B4GALNT3: variants seen among roughly 807,000 people sequenced by gnomAD.
B4GALNT3 encodes beta-1,4-N-acetyl-galactosaminyltransferase 3, also known as beta-1,4-N-acetylgalactosaminyltransferase 3.
A neutral mutation model predicts 120.2 loss-of-function variants in B4GALNT3; 86 were observed. That is an observed-to-expected ratio of 0.72 (90% CI 0.60 to 0.86). The LOEUF (loss-of-function observed/expected upper bound fraction) is 0.86, where lower values mean the gene tolerates loss of function less well. Among genes scored for constraint, B4GALNT3 ranks in the 40% least tolerant of loss-of-function variants. The pLI is 0.00. For synonymous variants in B4GALNT3, 518 were observed against 510.4 expected (o/e 1.01, Z -0.20); for missense variants, 1,167 against 1,298.9 (o/e 0.90, Z 1.56).
rs183332252 is a variant in B4GALNT3 at position 540,806 on chromosome 12, G to A, written c.352-3533G>A. Among the ~76,000 whole-genome samples the A allele has an allele frequency of 5.3e-5, 8 of 151,854 alleles. No individual in the cohort carries two copies. In the South Asian group the frequency reaches 1.0e-3, roughly 20 times the overall value. On this transcript the variant is annotated intron_variant, in intron 3 of 19. Coordinates refer to ENST00000266383, the MANE Select transcript of B4GALNT3 (RefSeq NM_173593.4). Reference sequence around the variant, plus strand: ...TCGCCCAGGATGGAGTGCAGTGGTCGGATCTCGGCTCACTGCAACCTCCGC... The same window carrying A: ...TCGCCCAGGATGGAGTGCAGTGGTCAGATCTCGGCTCACTGCAACCTCCGC...
chr12:562,953 C>A lies in B4GALNT3; in HGVS notation c.*1502C>A, dbSNP rs1947247149. 1 of 152,180 alleles carries A rather than the reference C, an allele frequency of 6.6e-6. No individual in the cohort carries two copies. Among genetic ancestry groups the A allele is most frequent in the African/African-American group, 2.4e-5 (1 of 41,424 alleles). The allele number at this position is 152,180 out of a possible 1,614,324, so 9.4% of individuals were successfully genotyped here. A position where few individuals can be genotyped will look rare whatever the true frequency, so the allele number is the denominator to read the frequency against. On this transcript the variant is annotated 3_prime_UTR_variant, in exon 20 of 20. Coordinates refer to ENST00000266383, the MANE Select transcript of B4GALNT3 (RefSeq NM_173593.4). This position sits in a 1 kb window ranked among gnomAD's most constrained non-coding sequence, Gnocchi z 5.2. ...CACGGCACTGGAGCTGCAGGGTCTG[C>A]CTAGTGGGCTCTGCATTCCCCGAGA...
intron 1 of B4GALNT3, among the ~76,000 whole-genome samples, chr12:475,916 G>A (rs1259750165): frequency 6.6e-6 from 1 of 152,174 alleles, no homozygotes; most frequent in East Asian, 1.9e-4. Context: ...TTAGAATCGG[G>A]TCGGCGCAGG....
At chr12:522,385 G>A (rs898385450) in intron 1 of B4GALNT3, among the ~76,000 whole-genome samples, 5 of 152,202 alleles carry the variant, frequency 3.3e-5, no homozygotes, top group South Asian at 4.1e-4. Context: ...TTGAGAACAC[G>A]TGAAGTGAGA....
At chr12:555,848 G>A (rs557797140) in intron 14 of B4GALNT3, among the ~76,000 whole-genome samples, 85 of 151,828 alleles carry the variant, frequency 5.6e-4, no homozygotes, top group African/African-American at 1.9e-3. Context: ...GCAGTGGCGC[G>A]ATCTCGACTC....
At chr12:557,970 A>G (rs756933491) in intron 16 of B4GALNT3, 46 bp from the exon 17 acceptor site, 17 of 1,593,846 alleles carry the variant, frequency 1.1e-5, no homozygotes, top group Non-Finnish European at 1.1e-5. Context: ...CCAGGGGACC[A>G]CCGCAGCTGA....
At chr12:479,350 T>C (rs1946213274) in intron 1 of B4GALNT3, among the ~76,000 whole-genome samples, 2 of 152,220 alleles carry the variant, frequency 1.3e-5, no homozygotes, top group South Asian at 4.1e-4. Context: ...CAGTGATGGC[T>C]GTGGCTTTGA....
Position 495,533 on chromosome 12 carries a change from G to A in B4GALNT3, c.169+34988G>A, listed in dbSNP as rs117615923. On this transcript the variant is annotated intron_variant, in intron 1 of 19. Coordinates refer to ENST00000266383, the MANE Select transcript of B4GALNT3 (RefSeq NM_173593.4). ...TGCCTCCTATTTTCAGCACTTGGAA[G>A]TACCTGCTGTGTTTCTAGGCCTATG... 1.4e-3 allele frequency among the ~76,000 whole-genome samples: 208 copies of A among 152,334 alleles called. 3 individuals carry two copies. In the East Asian group the frequency reaches 0.022, roughly 16 times the overall value.
In B4GALNT3 at chr12:556,567, T is replaced by C; in HGVS notation, c.2081T>C (p.Ile694Thr). The change falls in exon 15 of 20, where the codon ATT becomes ACT. Residue 694 changes from isoleucine to threonine, a missense_variant. Around this residue, in one of 3 missense-constraint regions of B4GALNT3, gnomAD observed 983 missense variants for 1,102.5 expected, o/e 0.89. Coordinates refer to ENST00000266383, the MANE Select transcript of B4GALNT3 (RefSeq NM_173593.4). Reference sequence around the variant, plus strand: ...CATAGGAGGTACCAGCTACAGCGCATTGTGAACGTGGAAAAGCGTCAGGAC... The same window carrying C: ...CATAGGAGGTACCAGCTACAGCGCACTGTGAACGTGGAAAAGCGTCAGGAC... ...RSRGRYQLQRIVNVEKRQDQL... is the reference protein window; with the variant it reads ...RSRGRYQLQRTVNVEKRQDQL... 6.2e-7 allele frequency: 1 copy of C among 1,613,486 alleles called. No individual in the cohort carries two copies. Among genetic ancestry groups the C allele is most frequent in the South Asian group, 1.1e-5 (1 of 91,074 alleles).
chr12:554,527 AC>A (rs1450536407), intron 14 of B4GALNT3, among the ~76,000 whole-genome samples: 2 of 152,170 alleles, frequency 1.3e-5, no homozygotes, highest in African/African-American at 4.8e-5. Flanking sequence ...GCGGTGGCTC[AC>A]GCCTGTAATC....
intron 1 of B4GALNT3, among the ~76,000 whole-genome samples, chr12:488,811 C>A (rs1389453870): frequency 2.0e-5 from 3 of 150,804 alleles, no homozygotes; most frequent in Non-Finnish European, 2.9e-5. Flanking sequence ...CAGAGTGAAA[C>A]CCTGTGAAAA....
intron 3 of B4GALNT3, among the ~76,000 whole-genome samples, chr12:542,203 G>A (rs1042166263): frequency 4.6e-5 from 7 of 152,078 alleles, no homozygotes; most frequent in East Asian, 1.9e-4. Context: ...CCCCATTAGC[G>A]CCACACTCTG....
At chr12:464,943 GGAAAGGATACAAACCCTCCAGTGA>G (rs1359151620) in intron 1 of B4GALNT3, among the ~76,000 whole-genome samples, 40 of 152,176 alleles carry the variant, frequency 2.6e-4, no homozygotes, top group Non-Finnish European at 5.9e-4. Context: ...GTTCTGATTT[GGAAAGGATACAAACCCTCCAGTGA>G]GAGAGGTAAT....
At chr12:491,647 CT>C (rs1460689367) in intron 1 of B4GALNT3, among the ~76,000 whole-genome samples, 2 of 151,722 alleles carry the variant, frequency 1.3e-5, no homozygotes, top group African/African-American at 4.8e-5. Flanking sequence ...GATACAAATT[CT>C]TAATAAACTA....
At position 561,466 on chromosome 12, in the gene B4GALNT3, C is replaced by T. The variant is rs540630595; in HGVS notation, c.*15C>T. The T allele has an allele frequency of 2.6e-5, 41 of 1,585,966 alleles. 1 individual carries two copies. Among genetic ancestry groups the T allele is most frequent in the South Asian group, 1.0e-4 (9 of 90,036 alleles). ...AGACGCTGTAGCCGGAGGGTGTCCG[C>T]GGGGCCCAGCACTCCCCGCTCTGGA... On this transcript the variant is annotated 3_prime_UTR_variant, in exon 20 of 20. Coordinates refer to ENST00000266383, the MANE Select transcript of B4GALNT3 (RefSeq NM_173593.4).
intron 1 of B4GALNT3, among the ~76,000 whole-genome samples, chr12:475,559 G>A (rs1474044502): frequency 3.3e-5 from 5 of 152,038 alleles, no homozygotes; most frequent in Admixed American, 3.3e-4. Flanking sequence ...GCTCTGCCGC[G>A]CCTCCTCTTC....
rs760198035 is a variant in B4GALNT3 at position 552,161 on chromosome 12, C to G, written c.1206C>G (p.Asp402Glu). ...ACCAGGAAAACGCCTACTACCAAGA[C>G]CGGTGAGAGACACTGAGTGGGGCAG... ...CFYQENAYYQ[D>E]RFSFQEYIKI... The change falls in exon 12 of 20, where the codon GAC becomes GAG. Residue 402 changes from aspartate to glutamate, a missense_variant and splice_region_variant. By Grantham distance (45) the Asp-to-Glu change is conservative. Transcript: ENST00000266383. 1.6e-5 allele frequency: 26 copies of G among 1,602,374 alleles called. No individual in the cohort carries two copies. Among genetic ancestry groups the G allele is most frequent in the Non-Finnish European group, 2.0e-5 (23 of 1,169,472 alleles).
chr12:529,504 C>T (rs1946787263), intron 1 of B4GALNT3, among the ~76,000 whole-genome samples: 1 of 152,172 alleles, frequency 6.6e-6, no homozygotes, highest in African/African-American at 2.4e-5. Flanking sequence ...TCATTTGGGG[C>T]CGACGATACT....
Position 557,772 on chromosome 12 carries a change from C to A in B4GALNT3, c.2534+11C>A, listed in dbSNP as rs1947174929. On this transcript the variant is annotated intron_variant, in intron 16 of 19. Transcript: ENST00000266383. ...GTCCAAGCTGCGGAGGTGAGGGGGA[C>A]CACCAGCCAGGGGGTGGCATGGGCC... is the stretch of plus-strand genomic sequence containing the variant. 6.3e-7 allele frequency: 1 copy of A among 1,596,880 alleles called. No individual in the cohort carries two copies.
At chr12:486,065 A>G (rs1946287760) in intron 1 of B4GALNT3, among the ~76,000 whole-genome samples, 1 of 152,172 alleles carries the variant, frequency 6.6e-6, no homozygotes, top group Non-Finnish European at 1.5e-5. Context: ...TAAAAATTCC[A>G]GGGGACTCAG....
Sources: gnomAD v4.1 joint callset for allele counts (sites outside exome capture counted in the v4.1 genomes callset) on GRCh38, gnomAD v4.1.1 for gene constraint, gnomAD v4.1.1 regional missense constraint, Gnocchi (gnomAD v3.1) non-coding constraint, MANE v1.5 for transcripts, NCBI Gene and HGNC (gene_info 2026-07-23, HGNC 2026-07-21) for gene names.